PTPN21: variants seen among roughly 807,000 people sequenced by gnomAD.
PTPN21 encodes tyrosine-protein phosphatase non-receptor type 21.
PTPN21 carries 77 observed loss-of-function variants against 131.8 expected under a neutral mutation model. That is an observed-to-expected ratio of 0.58 (90% CI 0.49 to 0.71). The LOEUF (loss-of-function observed/expected upper bound fraction) is 0.71. Ranked by LOEUF, PTPN21 falls within the 30% of genes least tolerant of loss-of-function variation. The probability of loss-of-function intolerance (pLI) is 0.00; values close to 1 mark genes in which losing one functional copy is unlikely to be tolerated. For synonymous variants in PTPN21, 715 were observed against 621.3 expected, an observed-to-expected ratio of 1.15 and a Z score of -2.24; for missense variants, 1,552 against 1,527.1, an observed-to-expected ratio of 1.02 and a Z score of -0.27.
At chr14:88,504,906 A>C (rs570504642) in intron 5 of PTPN21, among the ~76,000 whole-genome samples, 1 of 152,366 alleles carries the variant, frequency 6.6e-6, no homozygotes, top group East Asian at 1.9e-4. Flanking sequence ...TAAAAGTAGA[A>C]GGCAGTGTCT....
intron 3 of PTPN21, among the ~76,000 whole-genome samples, chr14:88,516,745 G>C (rs1475833681): frequency 6.6e-6 from 1 of 152,142 alleles, no homozygotes; most frequent in African/African-American, 2.4e-5. Context: ...GACAGATTTT[G>C]TAACTAATTT....
intron 2 of PTPN21, among the ~76,000 whole-genome samples, chr14:88,526,289 T>A (rs970993318): frequency 3.9e-5 from 6 of 152,024 alleles, no homozygotes; most frequent in Non-Finnish European, 7.4e-5. Flanking sequence ...GTGGCTCACA[T>A]CTATAATCCC....
intron 7 of PTPN21, 28 bp from the exon 8 acceptor site, chr14:88,500,899 A>G: frequency 1.3e-6 from 2 of 1,536,272 alleles, no homozygotes; most frequent in Non-Finnish European, 1.8e-6. Flanking sequence ...AAGAAGAAAC[A>G]CCCAGGAAGC....
At chr14:88,470,291 C>G (rs1475052336) in intron 15 of PTPN21, 3 of 507,354 alleles carry the variant, frequency 5.9e-6, no homozygotes, top group African/African-American at 3.9e-5. Context: ...TCTATGCAAC[C>G]TGTTTAACCT....
Position 88,466,457 on chromosome 14 carries a change from A to G in PTPN21, c.*1680T>C, listed in dbSNP as rs1249709128. 6.6e-6 allele frequency: 1 copy of G among 152,148 alleles called. No individual in the cohort carries two copies. 9.4% of individuals were successfully genotyped at this position (152,148 alleles called of 1,614,324 possible). On this transcript the variant is annotated 3_prime_UTR_variant, in exon 19 of 19. Transcript: ENST00000556564. ...GGCTGACAACATACATGTAGTGCTC[A>G]AGGAAGTGAGTTAAGGAGTGACATG... is the stretch of plus-strand genomic sequence containing the variant.
At chr14:88,478,875 G>T in intron 13 of PTPN21, 45 bp downstream of exon 13, 2 of 1,322,886 alleles carry the variant, frequency 1.5e-6, no homozygotes, top group South Asian at 3.9e-5. Context: ...GCGCCAGGGC[G>T]AACGCGCGGT....
At position 88,467,838 on chromosome 14, in the gene PTPN21, A is replaced by G; in HGVS notation, c.*299T>C. ...CCAGCATAGCTTCAGTAAAATAGAG[A>G]ATTGTCTAGAAAATACAATCTCCAA... On this transcript the variant is annotated 3_prime_UTR_variant, in exon 19 of 19. Coordinates refer to ENST00000556564, the MANE Select transcript of PTPN21 (RefSeq NM_007039.4). 1 of 309,400 alleles carries G rather than the reference A, an allele frequency of 3.2e-6. No individual in the cohort carries two copies. 19.2% of individuals were successfully genotyped at this position (309,400 alleles called of 1,614,324 possible).
At chr14:88,504,568 T>G in intron 5 of PTPN21, 73 bp from the exon 6 acceptor site, 1 of 1,246,954 alleles carries the variant, frequency 8.0e-7, no homozygotes, top group Non-Finnish European at 1.2e-6. Context: ...GGCCATTGAC[T>G]GTTAATGACT....
rs766402652 is a variant in PTPN21, at chr14:88,505,339, G to A, written c.481C>T (p.Gln161Ter). ...DFGDFDQYES[Q>*]DFLQKFALFP... ...AAGGCAAATTTCTGAAGAAAGTCCT[G>A]GGATTCATACTGATCAAAGTCACCA... is the stretch of plus-strand genomic sequence containing the variant. The change falls in exon 5 of 19, where the codon CAG becomes TAG. Residue 161 changes from glutamine to a stop codon, truncating the protein, a stop_gained. Transcript: ENST00000556564. LOFTEE classifies it high-confidence loss of function. 3 of 1,609,506 alleles carry A rather than the reference G, an allele frequency of 1.9e-6. No individual in the cohort carries two copies. Among genetic ancestry groups the A allele is most frequent in the Non-Finnish European group, 2.5e-6 (3 of 1,176,708 alleles).
rs141908377 is a variant in PTPN21, at chr14:88,488,447, T to C, written c.933-2605A>G. On this transcript the variant is annotated intron_variant, in intron 10 of 18. Transcript: ENST00000556564. The stretch of plus-strand genomic sequence containing the variant: ...CAGGCAGCCACGCCATCAGTTCTAA[T>C]AGTCTAACCTTCTCTTTCTTCTTGG... Among the ~76,000 whole-genome samples the C allele has an allele frequency of 2.0e-5, 3 of 152,284 alleles. No homozygotes were observed. In the East Asian group the frequency reaches 5.8e-4, roughly 29 times the overall value.
At chr14:88,526,411 A>G (rs1376762156) in intron 2 of PTPN21, among the ~76,000 whole-genome samples, 2 of 151,826 alleles carry the variant, frequency 1.3e-5, no homozygotes, top group Non-Finnish European at 2.9e-5. Context: ...TTAGCTAGGC[A>G]TGGTGGTGTG....
chr14:88,536,339 G>T (rs2078630964), intron 2 of PTPN21, among the ~76,000 whole-genome samples: 1 of 152,114 alleles, frequency 6.6e-6, no homozygotes, highest in Non-Finnish European at 1.5e-5. Flanking sequence ...TTCTAAAATT[G>T]TACAGATAAC....
intron 18 of PTPN21, 127 bp from the exon 19 acceptor site, chr14:88,468,392 T>C: frequency 2.2e-6 from 2 of 918,598 alleles, no homozygotes; most frequent in South Asian, 3.8e-5. Context: ...CCTTAGCGTC[T>C]TCTAGAAATA....
rs1331573657 is a variant in PTPN21 at position 88,479,041 on chromosome 14, G to A, written c.2390C>T (p.Ser797Leu). The A allele has an allele frequency of 5.0e-6, 8 of 1,607,216 alleles. No homozygotes were observed. Among genetic ancestry groups the A allele is most frequent in the East Asian group, 2.2e-5 (1 of 44,546 alleles). ...GCCTGACGTGGTGAGGTCGGACTCC[G>A]ACATGGAGGGCATCAGCAGCCCGTC... ...WRDGLLMPSM[S>L]ESDLTTSGRY... Residue 797 changes from serine (S) to leucine (L), a missense_variant, in exon 13 of 19, where the codon TCG becomes TTG. Physicochemically the swap from Ser to Leu is moderately radical, Grantham distance 145 (BLOSUM62 -2). Coordinates refer to ENST00000556564, the MANE Select transcript of PTPN21 (RefSeq NM_007039.4).
intron 2 of PTPN21, among the ~76,000 whole-genome samples, chr14:88,540,737 A>C (rs973695407): frequency 1.2e-4 from 19 of 152,190 alleles, no homozygotes; most frequent in Non-Finnish European, 2.5e-4. Flanking sequence ...ATCATGGCTC[A>C]CTGCAGCCTT....
intron 2 of PTPN21, among the ~76,000 whole-genome samples, chr14:88,525,416 CT>C (rs756478276): frequency 4.3e-4 from 66 of 152,232 alleles, no homozygotes; most frequent in Non-Finnish European, 7.2e-4. Flanking sequence ...GACTTACACA[CT>C]TTTTGAAAAA....
At position 88,469,328 on chromosome 14, in the gene PTPN21, T is replaced by C. The variant is rs143772431; in HGVS notation, c.3235+171A>G. Among the ~76,000 whole-genome samples, 17 of 152,266 alleles carry C rather than the reference T, an allele frequency of 1.1e-4. No homozygotes were observed. In the East Asian group the frequency reaches 3.3e-3, roughly 29 times the overall value. ...TGGCATTCTACTCACTACCAAATCATAATTTATAAACCTCGTTAACCCTCC... is the reference window on the plus strand; with the variant it reads ...TGGCATTCTACTCACTACCAAATCACAATTTATAAACCTCGTTAACCCTCC... On this transcript the variant is annotated intron_variant, in intron 17 of 18. Coordinates refer to ENST00000556564, the MANE Select transcript of PTPN21 (RefSeq NM_007039.4). This position sits in a 1 kb window ranked among gnomAD's most constrained non-coding sequence, Gnocchi z 4.3.
chr14:88,480,821 C>T (rs2077643369), intron 12 of PTPN21, among the ~76,000 whole-genome samples: 2 of 152,162 alleles, frequency 1.3e-5, no homozygotes, highest in African/African-American at 4.8e-5. Flanking sequence ...AGAGCTTCGA[C>T]TGTAAAAGGG....
In PTPN21 at chr14:88,517,747, G is replaced by GTA. The variant is rs1291971815; in HGVS notation, c.181-488_181-487dup. Among the ~76,000 whole-genome samples the GTA allele has an allele frequency of 5.9e-3, 616 of 105,086 alleles. 3 individuals carry two copies. Among genetic ancestry groups the GTA allele is most frequent in the Non-Finnish European group, 8.7e-3 (470 of 54,006 alleles). 68.9% of individuals were successfully genotyped at this position (105,086 alleles called of 152,430 possible). A position where few individuals can be genotyped will look rare whatever the true frequency, so the allele number is the denominator to read the frequency against. On this transcript the variant is annotated intron_variant, in intron 2 of 18. Transcript: ENST00000556564. ...GTATATATACTATATATACACGTGT[G>GTA]TATATACTAGTGTATATACACTATA...
Sources: gnomAD v4.1 joint callset for allele counts (sites outside exome capture counted in the v4.1 genomes callset) on GRCh38, gnomAD v4.1.1 for gene constraint, Gnocchi (gnomAD v3.1) non-coding constraint, MANE v1.5 for transcripts, NCBI Gene and HGNC (gene_info 2026-07-23, HGNC 2026-07-21) for gene names.